The following CACNB2 variants were observed in gnomAD, a reference collection of about 807,000 sequenced individuals.
The protein encoded by CACNB2 is voltage-dependent L-type calcium channel subunit beta-2.
Under a neutral mutation model 73.3 loss-of-function variants are expected in CACNB2, and 42 were observed. The observed-to-expected ratio is 0.57, with a 90% CI of 0.45 to 0.74. CACNB2 has a LOEUF of 0.74. CACNB2 is among the 30% of genes least tolerant of loss of function. The pLI, the probability that CACNB2 is intolerant of heterozygous loss-of-function variation, is 0.00. For synonymous variants in CACNB2, 348 were observed against 310.3 expected (o/e 1.12, Z -1.28); for missense variants, 940 against 853.0 (o/e 1.10, Z -1.27).
chr10:18,178,779 C>T (rs1157380115), intron 2 of CACNB2, among the ~76,000 whole-genome samples: 1 of 152,210 alleles, frequency 6.6e-6, no homozygotes, highest in Non-Finnish European at 1.5e-5. Flanking sequence ...GGGATGGAGA[C>T]TGCCAGGAGA....
At chr10:18,321,075 G>C (rs1792127978) in intron 2 of CACNB2, among the ~76,000 whole-genome samples, 1 of 152,178 alleles carries the variant, frequency 6.6e-6, no homozygotes, top group African/African-American at 2.4e-5. Context: ...GTGCAGTCCA[G>C]GAAGAAAATG....
chr10:18,321,038 C>T (rs17610062), intron 2 of CACNB2, among the ~76,000 whole-genome samples: 11,191 of 152,248 alleles, frequency 0.074, 588 homozygotes, highest in Non-Finnish European at 0.11. Flanking sequence ...CTTTATTTCA[C>T]ACACCACAAA....
chr10:18,401,685 T>C (rs534474583), intron 2 of CACNB2, among the ~76,000 whole-genome samples: 4 of 152,312 alleles, frequency 2.6e-5, no homozygotes, highest in Admixed American at 6.5e-5. Flanking sequence ...CCAGGAAGGA[T>C]AGTTTTTTGG....
intron 3 of CACNB2, among the ~76,000 whole-genome samples, chr10:18,457,015 A>T (rs544849348): frequency 6.6e-6 from 1 of 152,198 alleles, no homozygotes; most frequent in East Asian, 1.9e-4. Context: ...GGCATAGTCT[A>T]CACACAGATC....
At chr10:18,308,287 C>T (rs1248695873) in intron 2 of CACNB2, among the ~76,000 whole-genome samples, 1 of 152,086 alleles carries the variant, frequency 6.6e-6, no homozygotes, top group Admixed American at 6.6e-5. Flanking sequence ...AACCACCACG[C>T]CCAAGCTTTA....
intron 1 of CACNB2, among the ~76,000 whole-genome samples, chr10:18,149,527 G>T (rs11012811): frequency 0.28 from 41,961 of 152,040 alleles, 6,098 homozygotes; most frequent in Middle Eastern, 0.34. Context: ...GCTTTAAGAT[G>T]ATACCACCCT....
Position 18,539,930 on chromosome 10 carries a change from T to G in CACNB2, c.*206T>G. The G allele has an allele frequency of 3.4e-6, 2 of 580,250 alleles. No individual in the cohort carries two copies. The highest frequency in any genetic ancestry group is 5.8e-6 in the Non-Finnish European group (2 of 342,434). 35.9% of individuals were successfully genotyped at this position (580,250 alleles called of 1,614,324 possible). The stretch of plus-strand genomic sequence containing the variant: ...TTTGTAAGTGCTACATAAATTGGCC[T>G]GGTATGGCTGCAGTCCTCCGGTTGC... On this transcript the variant is annotated 3_prime_UTR_variant, in exon 14 of 14. Coordinates refer to ENST00000324631, the MANE Select transcript of CACNB2 (RefSeq NM_201596.3).
At chr10:18,306,853 T>C (rs2131860689) in intron 2 of CACNB2, among the ~76,000 whole-genome samples, 2 of 152,172 alleles carry the variant, frequency 1.3e-5, no homozygotes, top group Middle Eastern at 3.4e-3. Flanking sequence ...AAGCTAAGTG[T>C]AGGTTTATTT....
At chr10:18,141,780 G>T (rs1323348629) in intron 1 of CACNB2, among the ~76,000 whole-genome samples, 2 of 152,220 alleles carry the variant, frequency 1.3e-5, no homozygotes, top group Non-Finnish European at 2.9e-5. Flanking sequence ...AATGACTTCA[G>T]ACTCCTAGCT....
chr10:18,464,279 G>T lies in CACNB2; in HGVS notation c.334-34076G>T, dbSNP rs78591922. 3.3e-3 allele frequency among the ~76,000 whole-genome samples: 494 copies of T among 151,140 alleles called. 1 individual carries two copies. Among genetic ancestry groups the T allele is most frequent in the Non-Finnish European group, 5.8e-3 (390 of 67,776 alleles). On this transcript the variant is annotated intron_variant, in intron 3 of 13. Coordinates refer to ENST00000324631, the MANE Select transcript of CACNB2 (RefSeq NM_201596.3). ...GAACCTGGCTCTTTTCATTAGCCAG[G>T]TGTGGTGGTCCATGCTTGCTACTTG...
chr10:18,376,703 G>C (rs78630648), intron 2 of CACNB2, among the ~76,000 whole-genome samples: 2,349 of 152,174 alleles, frequency 0.015, 74 homozygotes, highest in African/African-American at 0.054. Flanking sequence ...CTAGAGGGGA[G>C]GTTATCTTGG....
At position 18,413,616 on chromosome 10, in the gene CACNB2, T is replaced by C. The variant is rs895273353; in HGVS notation, c.333+11573T>C. On this transcript the variant is annotated intron_variant, in intron 3 of 13. Transcript: ENST00000324631. ...GTCGAAGGGTCAACAAATCTTTTCC[T>C]GGGAATTATCAGAAGGGAAATATTG... Among the ~76,000 whole-genome samples, 14 of 152,352 alleles carry C rather than the reference T, an allele frequency of 9.2e-5. No homozygotes were observed. In the East Asian group the frequency reaches 9.6e-4, roughly 10 times the overall value.
chr10:18,361,394 G>A (rs960295339), intron 2 of CACNB2, among the ~76,000 whole-genome samples: 1 of 151,164 alleles, frequency 6.6e-6, no homozygotes, highest in African/African-American at 2.4e-5. Context: ...AGCAACTTGG[G>A]AGGCTGAGGC....
At chr10:18,159,791 T>C (rs1401533470) in intron 2 of CACNB2, among the ~76,000 whole-genome samples, 1 of 152,226 alleles carries the variant, frequency 6.6e-6, no homozygotes, top group Non-Finnish European at 1.5e-5. Flanking sequence ...TGGATAAATC[T>C]TTCAGCCCTT....
intron 2 of CACNB2, among the ~76,000 whole-genome samples, chr10:18,229,151 T>C (rs1385544974): frequency 6.6e-6 from 1 of 152,224 alleles, no homozygotes; most frequent in Non-Finnish European, 1.5e-5. Flanking sequence ...TAAGTAATGA[T>C]AGTGTAATTA....
intron 2 of CACNB2, among the ~76,000 whole-genome samples, chr10:18,235,529 TAAAAC>T (rs1309865705): frequency 1.3e-5 from 2 of 152,220 alleles, no homozygotes; most frequent in Non-Finnish European, 2.9e-5. Flanking sequence ...ATAATAATAA[TAAAAC>T]AACACAGTTT....
chr10:18,509,441 G>A (rs920314324), intron 6 of CACNB2, among the ~76,000 whole-genome samples: 10 of 152,134 alleles, frequency 6.6e-5, no homozygotes, highest in Non-Finnish European at 7.3e-5. Flanking sequence ...ACACACGTGT[G>A]TACATATGTG....
intron 9 of CACNB2, chr10:18,519,586 C>T (rs2051638319): frequency 2.5e-6 from 1 of 400,290 alleles, no homozygotes; most frequent in South Asian, 1.9e-5. Flanking sequence ...GAGCCGTAAT[C>T]ATCCTTTGCT....
intron 3 of CACNB2, among the ~76,000 whole-genome samples, chr10:18,480,330 G>A (rs2048659715): frequency 6.6e-6 from 1 of 151,878 alleles, no homozygotes; most frequent in African/African-American, 2.4e-5. Context: ...TTGTCAACCT[G>A]GTTACTAACA....
Sources: allele counts gnomAD v4.1 joint callset (sites outside exome capture counted in the v4.1 genomes callset), GRCh38; gene constraint gnomAD v4.1.1; transcripts MANE v1.5; gene names NCBI Gene and HGNC (gene_info 2026-07-23, HGNC 2026-07-21).